FRAS1: variants seen among roughly 807,000 people sequenced by gnomAD.
FRAS1 encodes extracellular matrix organizing protein FRAS1.
Under a neutral mutation model 435.2 loss-of-function variants are expected in FRAS1, and 290 were observed. The observed-to-expected ratio is 0.67, with a 90% confidence interval of 0.61 to 0.73. The LOEUF (loss-of-function observed/expected upper bound fraction) is 0.73, where lower values mean the gene tolerates loss of function less well. Among genes scored for constraint, FRAS1 ranks in the 30% least tolerant of loss-of-function variants. FRAS1 has a pLI of 0.00. For missense variants in FRAS1, 4,860 were observed against 5,001.5 expected, an observed-to-expected ratio of 0.97 and a Z score of 0.85; for synonymous variants, 1,800 against 1,851.0, an observed-to-expected ratio of 0.97 and a Z score of 0.71.
rs191983018 is a variant in FRAS1 at position 78,445,475 on chromosome 4, A to C, written c.5666-47A>C. 10 of 1,472,754 alleles carry C rather than the reference A, an allele frequency of 6.8e-6. No individual in the cohort carries two copies. In the African/African-American group the frequency reaches 1.3e-4, roughly 19 times the overall value. The allele number at this position is 1,472,754 out of a possible 1,614,324, so 91.2% of individuals were successfully genotyped here. A position where few individuals can be genotyped will look rare whatever the true frequency, so the allele number is the denominator to read the frequency against. On this transcript the variant is annotated intron_variant, in intron 41 of 73. Coordinates refer to ENST00000512123, the MANE Select transcript of FRAS1 (RefSeq NM_025074.7). ...TGTTTTCTAGTTCAGCCTAGTAAGC[A>C]GGAATTGATAGATCAAGGTAAAAAT...
At chr4:78,475,656 G>A in intron 54 of FRAS1, 50 bp downstream of exon 54, 1 of 1,464,920 alleles carries the variant, frequency 6.8e-7, no homozygotes, top group Non-Finnish European at 9.1e-7. Flanking sequence ...GCTGTGACAT[G>A]GCTGCAAGCA....
At chr4:78,168,379 G>T (rs1721418132) in intron 2 of FRAS1, among the ~76,000 whole-genome samples, 1 of 150,960 alleles carries the variant, frequency 6.6e-6, no homozygotes, top group Admixed American at 6.6e-5. Flanking sequence ...GACAAAAGAT[G>T]TTTTTTTTTG....
intron 2 of FRAS1, among the ~76,000 whole-genome samples, chr4:78,211,702 A>G (rs796758335): frequency 3.4e-4 from 52 of 152,342 alleles, no homozygotes; most frequent in African/African-American, 1.2e-3. Flanking sequence ...AATTGTTGTA[A>G]TATATGTACA....
At chr4:78,311,078 T>C (rs1179921863) in intron 15 of FRAS1, among the ~76,000 whole-genome samples, 2 of 151,508 alleles carry the variant, frequency 1.3e-5, no homozygotes, top group Non-Finnish European at 3.0e-5. Context: ...ATTTATGCCA[T>C]TATGAAGGGC....
intron 29 of FRAS1, among the ~76,000 whole-genome samples, chr4:78,388,398 T>C (rs1188914798): frequency 6.6e-6 from 1 of 151,310 alleles, no homozygotes; most frequent in African/African-American, 2.4e-5. Context: ...ATAATCTGAA[T>C]GACTCAAAAA....
intron 18 of FRAS1, among the ~76,000 whole-genome samples, chr4:78,326,495 T>G (rs1188598890): frequency 2.6e-5 from 4 of 152,166 alleles, no homozygotes; most frequent in Non-Finnish European, 5.9e-5. Flanking sequence ...TGGACTGATG[T>G]CCACAATTTA....
At position 78,329,869 on chromosome 4, in the gene FRAS1, G is replaced by C. The variant is rs575215007; in HGVS notation, c.2138-3403G>C. Reference sequence around the variant, plus strand: ...GATCAGGTGGCAGAAAATCTTTATGGATTAAACCCCATGACTTGGATTAAG... The same window carrying C: ...GATCAGGTGGCAGAAAATCTTTATGCATTAAACCCCATGACTTGGATTAAG... On this transcript the variant is annotated intron_variant, in intron 18 of 73. Coordinates refer to ENST00000512123, the MANE Select transcript of FRAS1 (RefSeq NM_025074.7). Among the ~76,000 whole-genome samples the C allele has an allele frequency of 3.9e-5, 6 of 152,322 alleles. No homozygotes were observed. The South Asian group carries it at 6.2e-4, about 16-fold the overall frequency.
Position 78,387,532 on chromosome 4 carries a change from T to G in FRAS1, c.3806T>G (p.Leu1269Arg). ...CTTCATGGCCAATTGCTTCAGACAC[T>G]TCAGTCCCCGGCAACCCCTATCTAT... ...PPLHGQLLQTLQSPATPIYQF... is the reference protein window; with the variant it reads ...PPLHGQLLQTRQSPATPIYQF... The change falls in exon 29 of 74, where the codon CTT becomes CGT. Residue 1269 changes from leucine to arginine, a missense_variant. Physicochemically the swap from Leu to Arg is moderately radical, Grantham distance 102. Transcript: ENST00000512123. 1.2e-6 allele frequency: 2 copies of G among 1,613,712 alleles called. 1 individual carries two copies.
At chr4:78,282,673 A>G (rs1412894202) in intron 11 of FRAS1, 147 bp from the exon 12 acceptor site, 3 of 781,612 alleles carry the variant, frequency 3.8e-6, no homozygotes, top group Non-Finnish European at 4.2e-6. Context: ...CTCTTTTGCT[A>G]TTGTTCTGTT....
Position 78,303,893 on chromosome 4 carries a change from T to G in FRAS1, c.1535-4173T>G, listed in dbSNP as rs1013765692. 5.7e-3 allele frequency among the ~76,000 whole-genome samples: 861 copies of G among 150,552 alleles called. 8 individuals carry two copies. The highest frequency in any genetic ancestry group is 0.019 in the African/African-American group (802 of 41,174). The stretch of plus-strand genomic sequence containing the variant: ...CCTGGCCAGAACTTCCAACACTATG[T>G]TGAATAGGAGTGGTGAGAGAGGGCA... On this transcript the variant is annotated intron_variant, in intron 14 of 73. Coordinates refer to ENST00000512123, the MANE Select transcript of FRAS1 (RefSeq NM_025074.7).
Position 78,210,552 on chromosome 4 carries a change from G to A in FRAS1, c.109-26958G>A, listed in dbSNP as rs1723460631. Among the ~76,000 whole-genome samples the A allele has an allele frequency of 4.6e-5, 7 of 152,152 alleles. No individual in the cohort carries two copies. The South Asian group carries it at 1.5e-3, about 32-fold the overall frequency. ...TTTTCGGGCTTTCTTGACTTCCACA[G>A]AGTGTCAGCTTTTGCTTTGCCTTCC... is the stretch of plus-strand genomic sequence containing the variant. On this transcript the variant is annotated intron_variant, in intron 2 of 73. Coordinates refer to ENST00000512123, the MANE Select transcript of FRAS1 (RefSeq NM_025074.7).
intron 1 of FRAS1, among the ~76,000 whole-genome samples, chr4:78,063,595 A>G (rs1473815837): frequency 1.3e-5 from 2 of 152,224 alleles, no homozygotes; most frequent in Non-Finnish European, 2.9e-5. Flanking sequence ...CAGCAGATGC[A>G]TGGCTTGCCC....
At chr4:78,328,803 A>T (rs1267359792) in intron 18 of FRAS1, among the ~76,000 whole-genome samples, 1 of 152,198 alleles carries the variant, frequency 6.6e-6, no homozygotes, top group East Asian at 1.9e-4. Flanking sequence ...CTTAAAAAAT[A>T]ATTGCTCCTC....
At chr4:78,114,722 T>C (rs1414080473) in intron 2 of FRAS1, among the ~76,000 whole-genome samples, 1 of 152,256 alleles carries the variant, frequency 6.6e-6, no homozygotes, top group Non-Finnish European at 1.5e-5. Flanking sequence ...CTTAAGGAGA[T>C]TTTGGGCTGA....
At chr4:78,220,553 A>T (rs1412533545) in intron 2 of FRAS1, among the ~76,000 whole-genome samples, 1 of 152,250 alleles carries the variant, frequency 6.6e-6, no homozygotes, top group African/African-American at 2.4e-5. Context: ...GTATAGCTAC[A>T]GTCTTGTTCT....
At chr4:78,523,650 TCTTAA>T (rs1418998800) in intron 69 of FRAS1, among the ~76,000 whole-genome samples, 1 of 152,242 alleles carries the variant, frequency 6.6e-6, no homozygotes, top group Admixed American at 6.5e-5. Context: ...AAAAATTTTT[TCTTAA>T]CTTAAAATTT....
At chr4:78,376,130 T>C (rs1731751764) in intron 26 of FRAS1, among the ~76,000 whole-genome samples, 1 of 152,146 alleles carries the variant, frequency 6.6e-6, no homozygotes, top group African/African-American at 2.4e-5. Context: ...AGATAAGAAA[T>C]TGGCATAAAA....
intron 31 of FRAS1, among the ~76,000 whole-genome samples, chr4:78,408,124 G>C (rs1251901999): frequency 1.3e-5 from 2 of 152,138 alleles, no homozygotes; most frequent in Non-Finnish European, 2.9e-5. Context: ...GAGAGAATGA[G>C]AGCCAAGTGA....
intron 37 of FRAS1, 96 bp from the exon 38 acceptor site, chr4:78,432,260 CT>C: frequency 8.1e-7 from 1 of 1,234,002 alleles, no homozygotes; most frequent in Non-Finnish European, 1.1e-6. Flanking sequence ...AGTTATGATC[CT>C]ATATGAACCT....
Sources: gnomAD v4.1 joint callset for allele counts (sites outside exome capture counted in the v4.1 genomes callset) on GRCh38, gnomAD v4.1.1 for gene constraint, MANE v1.5 for transcripts, NCBI Gene and HGNC (gene_info 2026-07-23, HGNC 2026-07-21) for gene names.